The following LCOR variants were observed in gnomAD, a reference collection of about 807,000 sequenced individuals.
LCOR encodes ligand dependent nuclear receptor corepressor.
A neutral mutation model predicts 64.4 loss-of-function variants in LCOR; 14 were observed. That is an observed-to-expected ratio of 0.22 (90% CI 0.14 to 0.34). The LOEUF is 0.34. LCOR is among the 10% of genes least tolerant of loss of function. The probability of loss-of-function intolerance (pLI) is 1.00; values close to 1 mark genes in which losing one functional copy is unlikely to be tolerated. For missense variants in LCOR, 1,686 were observed against 1,765.3 expected (o/e 0.96, Z 0.80); for synonymous variants, 643 against 642.5 (o/e 1.00, Z -0.01).
chr10:96,842,367 C>G (rs1193444013), intron 2 of LCOR, among the ~76,000 whole-genome samples: 1 of 152,030 alleles, frequency 6.6e-6, no homozygotes, highest in Non-Finnish European at 1.5e-5. Flanking sequence ...GCACTCCAGC[C>G]TGGTGACAGA....
chr10:96,948,703 GGGT>G (rs1454890000), intron 5 of LCOR, among the ~76,000 whole-genome samples: 6 of 152,072 alleles, frequency 3.9e-5, no homozygotes, highest in Non-Finnish European at 8.8e-5. Flanking sequence ...CCTAAGTGAA[GGGT>G]TTTGGGATTT....
intron 5 of LCOR, among the ~76,000 whole-genome samples, chr10:96,946,424 A>G (rs1275513314): frequency 6.6e-6 from 1 of 152,106 alleles, no homozygotes; most frequent in Non-Finnish European, 1.5e-5. Flanking sequence ...CTTCAAGAAC[A>G]ATATACCTTC....
intron 2 of LCOR, among the ~76,000 whole-genome samples, chr10:96,891,314 G>A (rs1285355467): frequency 6.6e-6 from 1 of 151,646 alleles, no homozygotes; most frequent in African/African-American, 2.4e-5. Context: ...GTATTCTCTT[G>A]TAATCCTTCC....
chr10:96,948,181 C>T (rs1036449002), intron 5 of LCOR, among the ~76,000 whole-genome samples: 4 of 152,160 alleles, frequency 2.6e-5, no homozygotes, highest in African/African-American at 7.2e-5. Context: ...TTAAACTTAA[C>T]ATTGACTAGA....
chr10:96,912,300 G>C (rs1266121537), intron 4 of LCOR, among the ~76,000 whole-genome samples: 1 of 152,154 alleles, frequency 6.6e-6, no homozygotes, highest in Non-Finnish European at 1.5e-5. Context: ...TGCAAAAATT[G>C]TAAAAGGAAT....
chr10:96,903,009 T>C (rs1216101170), intron 2 of LCOR, among the ~76,000 whole-genome samples: 3 of 152,232 alleles, frequency 2.0e-5, no homozygotes, highest in African/African-American at 7.2e-5. Context: ...ATTACTGTAC[T>C]GAATACTGTA....
Position 96,985,435 on chromosome 10 carries a change from T to C in LCOR, c.*301T>C, listed in dbSNP as rs1380366742. ...TATTTATCCTTTTTGTTTTTAAATT[T>C]ACAAAAGCTAAAAAGCTGATCTATG... On this transcript the variant is annotated 3_prime_UTR_variant, in exon 8 of 8. Transcript: ENST00000421806. 3 of 241,276 alleles carry C rather than the reference T, an allele frequency of 1.2e-5. No homozygotes were observed. The highest frequency in any genetic ancestry group is 6.8e-5 in the African/African-American group (3 of 43,954). 14.9% of individuals were successfully genotyped at this position (241,276 alleles called of 1,614,324 possible).
intron 7 of LCOR, among the ~76,000 whole-genome samples, chr10:96,972,675 T>G (rs1726104916): frequency 6.6e-6 from 1 of 152,134 alleles, no homozygotes; most frequent in Non-Finnish European, 1.5e-5. Flanking sequence ...TATATAAGCC[T>G]TAAAGTGCTT....
chr10:96,847,719 G>A (rs911646688), intron 2 of LCOR, among the ~76,000 whole-genome samples: 3 of 152,272 alleles, frequency 2.0e-5, no homozygotes, highest in Non-Finnish European at 4.4e-5. Context: ...TGGGATTACA[G>A]GCGTGAACCA....
intron 2 of LCOR, among the ~76,000 whole-genome samples, chr10:96,836,144 C>T (rs1845437328): frequency 6.6e-6 from 1 of 152,144 alleles, no homozygotes; most frequent in Admixed American, 6.5e-5. Flanking sequence ...TTCAGATTGC[C>T]CTAATTTCCT....
rs998209383 is a variant in LCOR at position 96,869,136 on chromosome 10, A to G, written c.-330+35657A>G. 2.0e-5 allele frequency among the ~76,000 whole-genome samples: 3 copies of G among 152,086 alleles called. No individual in the cohort carries two copies. The South Asian group carries it at 6.2e-4, about 32-fold the overall frequency. The stretch of plus-strand genomic sequence containing the variant: ...GGCTAGGCTGGTCTCAAAGCTCGCA[A>G]CCTCAAGTGATCCCCCCGCTTCGGC... On this transcript the variant is annotated intron_variant, in intron 2 of 7. Transcript: ENST00000421806.
intron 4 of LCOR, among the ~76,000 whole-genome samples, chr10:96,920,751 T>TACACACACACACACACAC (rs55839435): frequency 3.4e-5 from 4 of 118,884 alleles, no homozygotes; most frequent in African/African-American, 7.8e-5. Flanking sequence ...TATATATGTA[T>TACACACACACACACACAC]ACACACACAC....
chr10:96,958,274 GTT>G (rs1847817344), intron 7 of LCOR: 1 of 1,356,452 alleles, frequency 7.4e-7, no homozygotes, highest in African/African-American at 1.5e-5. Flanking sequence ...CTTTTGTAGA[GTT>G]TATTGTTCAG....
At chr10:96,834,952 G>A (rs751749162) in intron 2 of LCOR, among the ~76,000 whole-genome samples, 1 of 152,166 alleles carries the variant, frequency 6.6e-6, no homozygotes, top group Non-Finnish European at 1.5e-5. Flanking sequence ...CCGGGCTGGA[G>A]TGCAGTGGCG....
intron 4 of LCOR, among the ~76,000 whole-genome samples, chr10:96,935,045 C>T (rs767830732): frequency 9.2e-5 from 14 of 151,498 alleles, no homozygotes; most frequent in Non-Finnish European, 1.8e-4. Flanking sequence ...TGTTATTTGC[C>T]ATACTATACA....
intron 4 of LCOR, among the ~76,000 whole-genome samples, chr10:96,939,480 T>C (rs1847410257): frequency 6.6e-6 from 1 of 152,210 alleles, no homozygotes; most frequent in South Asian, 2.1e-4. Flanking sequence ...CAAAAATATA[T>C]AGATTGGAAT....
intron 4 of LCOR, among the ~76,000 whole-genome samples, chr10:96,940,450 G>A (rs1351487661): frequency 4.0e-5 from 5 of 124,380 alleles, no homozygotes; most frequent in Non-Finnish European, 8.4e-5. Context: ...TTCCTAGGCA[G>A]AGGACCCTGC....
chr10:96,942,757 A>G (rs192244290), intron 4 of LCOR, among the ~76,000 whole-genome samples: 3 of 152,332 alleles, frequency 2.0e-5, no homozygotes, highest in Non-Finnish European at 4.4e-5. Context: ...TTTGTGCATT[A>G]TAACATGTCT....
chr10:96,943,547 A>T (rs918788331), intron 4 of LCOR, among the ~76,000 whole-genome samples: 7 of 152,234 alleles, frequency 4.6e-5, no homozygotes, highest in African/African-American at 1.7e-4. Context: ...TTTACAACCC[A>T]TTAAAGGTTT....
Sources: allele counts gnomAD v4.1 joint callset (sites outside exome capture counted in the v4.1 genomes callset), GRCh38; gene constraint gnomAD v4.1.1; transcripts MANE v1.5; gene names NCBI Gene and HGNC (gene_info 2026-07-23, HGNC 2026-07-21).